Variants in AFG2A observed in about 807,000 individuals in gnomAD.
AFG2A encodes ATPase family gene 2 protein homolog A.
At chr4:123,256,776 T>C in the AFG2A span, 1 of 985,216 alleles carries the variant, frequency 1.0e-6, no homozygotes, top group Non-Finnish European at 1.2e-6. Flanking sequence ...TGTGAAAATA[T>C]GAAAATGACT....
the AFG2A span, among the ~76,000 whole-genome samples, chr4:123,271,187 T>G: frequency 6.6e-6 from 1 of 152,188 alleles, no homozygotes; most frequent in Admixed American, 6.5e-5. Flanking sequence ...TACTTAGATA[T>G]TCTCAGGGAA....
chr4:123,008,834 T>C, the AFG2A span, among the ~76,000 whole-genome samples: 1 of 152,150 alleles, frequency 6.6e-6, no homozygotes, highest in Non-Finnish European at 1.5e-5. Context: ...TGAAATAAAT[T>C]TAAGGATAAG....
At chr4:123,140,510 TAA>T in the AFG2A span, among the ~76,000 whole-genome samples, 8 of 150,652 alleles carry the variant, frequency 5.3e-5, no homozygotes, top group South Asian at 2.1e-4. Flanking sequence ...TTTTTTTTTT[TAA>T]AAAAGCGATT....
At chr4:122,929,809 C>G in the AFG2A span, among the ~76,000 whole-genome samples, 1 of 152,014 alleles carries the variant, frequency 6.6e-6, no homozygotes, top group African/African-American at 2.4e-5. Flanking sequence ...GGACTAGCCC[C>G]ATTTTAAACA....
the AFG2A span, chr4:122,979,463 ACTT>A: frequency 6.8e-7 from 1 of 1,470,818 alleles, no homozygotes; most frequent in Non-Finnish European, 9.2e-7. Context: ...AGGGAGACTG[ACTT>A]CCTAGGCTAA....
At chr4:123,178,533 C>A in the AFG2A span, among the ~76,000 whole-genome samples, 1 of 152,060 alleles carries the variant, frequency 6.6e-6, no homozygotes, top group African/African-American at 2.4e-5. Context: ...TGTATAAGAC[C>A]TTTGCTTCCC....
chr4:123,128,597 T>C, the AFG2A span, among the ~76,000 whole-genome samples: 1 of 152,146 alleles, frequency 6.6e-6, no homozygotes, highest in East Asian at 1.9e-4. Context: ...TTAAGACATA[T>C]GAAAAGCTGT....
chr4:123,265,589 C>A, the AFG2A span, among the ~76,000 whole-genome samples: 9 of 152,004 alleles, frequency 5.9e-5, no homozygotes, highest in African/African-American at 1.9e-4. Context: ...TAACTCTATG[C>A]CAGGTATTTA....
At chr4:123,241,567 C>T in the AFG2A span, among the ~76,000 whole-genome samples, 21 of 152,044 alleles carry the variant, frequency 1.4e-4, no homozygotes, top group Admixed American at 4.6e-4. Context: ...AAAAGGCCTT[C>T]GAAAAAATTC....
the AFG2A span, among the ~76,000 whole-genome samples, chr4:122,990,003 T>C: frequency 6.6e-6 from 1 of 152,134 alleles, no homozygotes; most frequent in Non-Finnish European, 1.5e-5. Flanking sequence ...ACTACAGGTG[T>C]ACGCCACCAC....
the AFG2A span, among the ~76,000 whole-genome samples, chr4:123,022,104 TA>T: frequency 6.6e-6 from 1 of 151,824 alleles, no homozygotes; most frequent in African/African-American, 2.4e-5. Flanking sequence ...ACCTAGGCAT[TA>T]CCATTCAGGA....
the AFG2A span, among the ~76,000 whole-genome samples, chr4:122,967,227 G>A: frequency 0.83 from 126,409 of 152,030 alleles, 53,696 homozygotes; most frequent in East Asian, 0.96. Flanking sequence ...ATGTAGCAAG[G>A]CTCTGTCTCT....
chr4:123,189,039 A>G, the AFG2A span, among the ~76,000 whole-genome samples: 1 of 152,142 alleles, frequency 6.6e-6, no homozygotes, highest in Non-Finnish European at 1.5e-5. Flanking sequence ...TTGACATTTG[A>G]TGCTACTACT....
chr4:123,195,962 A>G, the AFG2A span, among the ~76,000 whole-genome samples: 1 of 150,820 alleles, frequency 6.6e-6, no homozygotes, highest in Admixed American at 6.6e-5. Flanking sequence ...AATCTTCCTC[A>G]TCCTTCCATT....
the AFG2A span, among the ~76,000 whole-genome samples, chr4:123,196,167 ATTTTTT>A: frequency 8.8e-5 from 7 of 79,668 alleles, no homozygotes; most frequent in African/African-American, 1.8e-4. Context: ...TGCCCAGCTA[ATTTTTT>A]TTTTTTTTTT....
At chr4:123,021,370 A>C in the AFG2A span, among the ~76,000 whole-genome samples, 2 of 152,088 alleles carry the variant, frequency 1.3e-5, no homozygotes, top group Non-Finnish European at 2.9e-5. Flanking sequence ...CCAAGAAGCC[A>C]GAATCTTAAA....
the AFG2A span, among the ~76,000 whole-genome samples, chr4:123,153,843 GA>G: frequency 2.0e-5 from 3 of 152,062 alleles, no homozygotes; most frequent in African/African-American, 4.8e-5. Flanking sequence ...AAATACAAAG[GA>G]AAAAAAGTAA....
the AFG2A span, among the ~76,000 whole-genome samples, chr4:123,080,703 C>T: frequency 6.6e-6 from 1 of 151,864 alleles, no homozygotes; most frequent in Admixed American, 6.6e-5. Flanking sequence ...TCCAGTTGTC[C>T]CACAGGACAA....
the AFG2A span, among the ~76,000 whole-genome samples, chr4:123,241,886 C>T: frequency 3.3e-5 from 5 of 152,168 alleles, no homozygotes; most frequent in Admixed American, 6.5e-5. Context: ...AAAACCCCAT[C>T]GTCTCAGCCC....
Sources: gnomAD v4.1 joint callset for allele counts (sites outside exome capture counted in the v4.1 genomes callset) on GRCh38, gnomAD v4.1.1 for gene constraint, MANE v1.5 for transcripts, NCBI Gene and HGNC (gene_info 2026-07-23, HGNC 2026-07-21) for gene names.